Variants in AASS observed in about 807,000 individuals in gnomAD.
AASS encodes the protein aminoadipate-semialdehyde synthase, also known as alpha-aminoadipic semialdehyde synthase, mitochondrial.
A neutral mutation model predicts 105.4 loss-of-function variants in AASS; 86 were observed. The observed-to-expected ratio is 0.82, with a 90% CI of 0.69 to 0.98. The LOEUF (loss-of-function observed/expected upper bound fraction) is 0.98, where lower values mean the gene tolerates loss of function less well. Among genes scored for constraint, AASS ranks in the 50% least tolerant of loss-of-function variants. The pLI is 0.00. For synonymous variants in AASS, 381 were observed against 394.8 expected, an observed-to-expected ratio of 0.96 and a Z score of 0.41; for missense variants, 1,048 against 1,143.2, an observed-to-expected ratio of 0.92 and a Z score of 1.20.
At chr7:122,103,807 TAC>T (rs144536557) in intron 11 of AASS, among the ~76,000 whole-genome samples, 65 of 151,228 alleles carry the variant, frequency 4.3e-4, no homozygotes, top group Admixed American at 9.9e-4. Context: ...ATATATACTA[TAC>T]ACACACACAC....
chr7:122,129,031 T>C (rs532906105), intron 3 of AASS, among the ~76,000 whole-genome samples: 169 of 152,246 alleles, frequency 1.1e-3, no homozygotes, highest in Non-Finnish European at 2.1e-3. Flanking sequence ...TGAGCCAAGA[T>C]TGTGCCACTG....
intron 6 of AASS, among the ~76,000 whole-genome samples, chr7:122,117,616 ATTATC>A (rs1327744922): frequency 6.6e-6 from 1 of 151,826 alleles, no homozygotes; most frequent in Non-Finnish European, 1.5e-5. Flanking sequence ...TTAACAATGA[ATTATC>A]TTATTTATTT....
intron 11 of AASS, among the ~76,000 whole-genome samples, chr7:122,106,566 C>T (rs528848518): frequency 6.6e-6 from 1 of 151,884 alleles, no homozygotes; most frequent in African/African-American, 2.4e-5. Flanking sequence ...ACACAAAGAC[C>T]AATAAAACAG....
chr7:122,131,566 A>G (rs888129824), intron 2 of AASS, among the ~76,000 whole-genome samples: 1 of 151,844 alleles, frequency 6.6e-6, no homozygotes, highest in Non-Finnish European at 1.5e-5. Flanking sequence ...CTGGACATTA[A>G]TTTTTCCTCT....
intron 1 of AASS, among the ~76,000 whole-genome samples, chr7:122,135,969 A>C (rs1159362331): frequency 6.6e-6 from 1 of 152,222 alleles, no homozygotes; most frequent in Non-Finnish European, 1.5e-5. Flanking sequence ...ATTGGATTCT[A>C]TCCAACTTCA....
chr7:122,082,814 G>C, intron 19 of AASS: 5 of 1,289,362 alleles, frequency 3.9e-6, no homozygotes, highest in South Asian at 2.5e-5. Flanking sequence ...GGTTCAAGGG[G>C]AAGGAGTTAG....
chr7:122,092,936 G>A lies in AASS; in HGVS notation c.1782C>T (p.Gly594=), dbSNP rs2150516842. 1.2e-6 allele frequency: 2 copies of A among 1,613,850 alleles called. No individual in the cohort carries two copies. The highest frequency in any genetic ancestry group is 1.7e-6 in the Non-Finnish European group (2 of 1,179,840). The part of the protein sequence containing the change: ...KELEKSVEDA[G]ITIIGELGLD... The stretch of plus-strand genomic sequence containing the variant: ...ATCCCAATTCACCAATGATTGTGAT[G>A]CCAGCATCTTCCACACTGCAGCAGG... The change falls in exon 17 of 24, where the codon GGC becomes GGT. Residue 594 remains glycine, a synonymous_variant. Transcript: ENST00000417368.
At chr7:122,084,607 C>T (rs1793531187) in intron 19 of AASS, among the ~76,000 whole-genome samples, 1 of 151,680 alleles carries the variant, frequency 6.6e-6, no homozygotes. Flanking sequence ...AGAATAAAAC[C>T]ATGGTTACCA....
intron 15 of AASS, among the ~76,000 whole-genome samples, chr7:122,096,235 T>G (rs985871821): frequency 2.0e-5 from 3 of 152,166 alleles, no homozygotes; most frequent in African/African-American, 7.2e-5. Context: ...ACTATGAGAA[T>G]TGTACATATT....
At chr7:122,085,607 T>A (rs1360883638) in intron 19 of AASS, among the ~76,000 whole-genome samples, 2 of 152,108 alleles carry the variant, frequency 1.3e-5, no homozygotes, top group Non-Finnish European at 2.9e-5. Flanking sequence ...AAAAATCGTA[T>A]TTTTGGCTAT....
rs778722169 is a variant in AASS, at chr7:122,101,451, G to A, written c.1339-13C>T. 2 of 1,594,300 alleles carry A rather than the reference G, an allele frequency of 1.3e-6. No individual in the cohort carries two copies. Among genetic ancestry groups the A allele is most frequent in the Non-Finnish European group, 1.7e-6 (2 of 1,162,776 alleles). On this transcript the variant is annotated splice_polypyrimidine_tract_variant and intron_variant, in intron 12 of 23. Coordinates refer to ENST00000417368, the MANE Select transcript of AASS (RefSeq NM_005763.4). Reference sequence around the variant, plus strand: ...ATGTAATCACTGCCTAAATGTATATGACACAAGACATTTCTTTAGTATCCA... The same window carrying A: ...ATGTAATCACTGCCTAAATGTATATAACACAAGACATTTCTTTAGTATCCA...
At chr7:122,081,794 C>CA in intron 19 of AASS, 199 bp from the exon 20 acceptor site, 1 of 574,700 alleles carries the variant, frequency 1.7e-6, no homozygotes, top group Non-Finnish European at 3.1e-6. Flanking sequence ...CACAACCCAC[C>CA]AAAAAAGTAT....
In AASS at chr7:122,076,613, A is replaced by C; in HGVS notation, c.2663-6T>G. On this transcript the variant is annotated splice_polypyrimidine_tract_variant and splice_region_variant and intron_variant, in intron 23 of 23. Coordinates refer to ENST00000417368, the MANE Select transcript of AASS (RefSeq NM_005763.4). ...GCCTTTGGCTCCAATTTCACCTGGA[A>C]GAAAATAAATGTGTAATTACCATTT... 6.4e-7 allele frequency: 1 copy of C among 1,573,410 alleles called. No homozygotes were observed. Among genetic ancestry groups the C allele is most frequent in the Non-Finnish European group, 8.7e-7 (1 of 1,143,052 alleles).
At chr7:122,112,520 T>C (rs997635697) in intron 11 of AASS, among the ~76,000 whole-genome samples, 1 of 152,180 alleles carries the variant, frequency 6.6e-6, no homozygotes, top group Non-Finnish European at 1.5e-5. Flanking sequence ...TTCTTTATAT[T>C]GGAATCATTG....
intron 15 of AASS, among the ~76,000 whole-genome samples, chr7:122,095,985 T>G (rs1050362335): frequency 4.9e-4 from 74 of 152,134 alleles, no homozygotes; most frequent in African/African-American, 1.7e-3. Flanking sequence ...GATAGGACTT[T>G]GCCTGTGGTA....
At position 122,115,054 on chromosome 7, in the gene AASS, T is replaced by G. The variant is rs1483025883; in HGVS notation, c.1043+20A>C. 6.2e-7 allele frequency: 1 copy of G among 1,614,148 alleles called. No homozygotes were observed. The highest frequency in any genetic ancestry group is 8.5e-7 in the Non-Finnish European group (1 of 1,179,986). ...AGCAGCTGGTCAAAACTACTATCGT[T>G]GCTGAAGTAGAGTCCTTACTTGTGT... is the stretch of plus-strand genomic sequence containing the variant. On this transcript the variant is annotated intron_variant, in intron 9 of 23. Transcript: ENST00000417368.
intron 4 of AASS, among the ~76,000 whole-genome samples, chr7:122,123,940 C>T (rs1427643526): frequency 6.6e-6 from 1 of 152,138 alleles, no homozygotes; most frequent in African/African-American, 2.4e-5. Context: ...AATCACTGTC[C>T]AAGTTGGTAA....
intron 11 of AASS, among the ~76,000 whole-genome samples, chr7:122,105,997 CAAAT>C (rs1339943063): frequency 3.9e-5 from 6 of 151,930 alleles, no homozygotes; most frequent in Non-Finnish European, 7.4e-5. Flanking sequence ...AGAAAAGACT[CAAAT>C]GAATAAAATT....
rs1792898275 is a variant in AASS at position 122,074,222 on chromosome 7, T to C, written c.*2267A>G. On this transcript the variant is annotated 3_prime_UTR_variant, in exon 24 of 24. Coordinates refer to ENST00000417368, the MANE Select transcript of AASS (RefSeq NM_005763.4). ...GTAGATCTCATTTGCATTTCCCTGA[T>C]GGCTAGTGATGTTGAGAACCTTTTC... is the stretch of plus-strand genomic sequence containing the variant. Among the ~76,000 whole-genome samples, 1 of 152,180 alleles carries C rather than the reference T, an allele frequency of 6.6e-6. No homozygotes were observed. Among genetic ancestry groups the C allele is most frequent in the African/African-American group, 2.4e-5 (1 of 41,448 alleles).
Sources: gnomAD v4.1 joint callset for allele counts (sites outside exome capture counted in the v4.1 genomes callset) on GRCh38, gnomAD v4.1.1 for gene constraint, MANE v1.5 for transcripts, NCBI Gene and HGNC (gene_info 2026-07-23, HGNC 2026-07-21) for gene names.